AFF3: variants seen among roughly 807,000 people sequenced by gnomAD.
AFF3 encodes AF4/FMR2 family member 3.
Under a neutral mutation model 129.7 loss-of-function variants are expected in AFF3, and 32 were observed. That is an observed-to-expected ratio of 0.25 (90% CI 0.19 to 0.33). AFF3 has a LOEUF of 0.33. Among genes scored for constraint, AFF3 ranks in the 10% least tolerant of loss-of-function variants. The probability of loss-of-function intolerance (pLI) is 1.00; values close to 1 mark genes in which losing one functional copy is unlikely to be tolerated. For synonymous variants in AFF3, 644 were observed against 635.4 expected (o/e 1.01, Z -0.20); for missense variants, 1,373 against 1,592.0 (o/e 0.86, Z 2.34).
chr2:99,852,952 C>A (rs1470983832), intron 7 of AFF3, among the ~76,000 whole-genome samples: 1 of 152,066 alleles, frequency 6.6e-6, no homozygotes, highest in Non-Finnish European at 1.5e-5. Context: ...CTTGGAAGAA[C>A]CTATTTATAG....
Position 100,129,928 on chromosome 2 carries a change from G to T in AFF3, c.-227-622C>A, listed in dbSNP as rs909468181. Among the ~76,000 whole-genome samples the T allele has an allele frequency of 3.9e-5, 6 of 152,266 alleles. No homozygotes were observed. The East Asian group carries it at 1.2e-3, about 29-fold the overall frequency. ...GATTAATATTATTTTATAGTGGGAG[G>T]CACAGTTGGGATTTCAGTCCAGGTC... On this transcript the variant is annotated intron_variant, in intron 1 of 24. Coordinates refer to ENST00000672756, the MANE Select transcript of AFF3 (RefSeq NM_001386135.1).
At chr2:99,813,204 G>T (rs1686929650) in intron 8 of AFF3, among the ~76,000 whole-genome samples, 1 of 152,206 alleles carries the variant, frequency 6.6e-6, no homozygotes, top group South Asian at 2.1e-4. Flanking sequence ...TCGAGCAGGG[G>T]AGGCTGTGGA....
intron 7 of AFF3, among the ~76,000 whole-genome samples, chr2:99,885,113 G>A (rs532183464): frequency 6.6e-6 from 1 of 152,126 alleles, no homozygotes; most frequent in Admixed American, 6.5e-5. Context: ...ATAGTCCTCA[G>A]AGCCAAAAGC....
At chr2:99,946,736 C>T (rs1490009502) in intron 7 of AFF3, among the ~76,000 whole-genome samples, 1 of 152,106 alleles carries the variant, frequency 6.6e-6, no homozygotes, top group East Asian at 1.9e-4. Flanking sequence ...ATAAAATGGT[C>T]TGTTGGAGGA....
chr2:100,128,681 A>G (rs1405168891), intron 2 of AFF3, among the ~76,000 whole-genome samples: 2 of 152,208 alleles, frequency 1.3e-5, no homozygotes, highest in Non-Finnish European at 2.9e-5. Context: ...AGAAGGTGAA[A>G]TGGGACACAA....
chr2:99,763,092 T>C (rs778380564), intron 8 of AFF3, among the ~76,000 whole-genome samples: 9 of 152,236 alleles, frequency 5.9e-5, no homozygotes, highest in Non-Finnish European at 1.2e-4. Context: ...CACCAGGCAG[T>C]AGCCCTGGAG....
chr2:99,850,405 C>A (rs1220488104), intron 7 of AFF3, among the ~76,000 whole-genome samples: 1 of 152,178 alleles, frequency 6.6e-6, no homozygotes, highest in Admixed American at 6.5e-5. Context: ...ATGGACCACA[C>A]TGGATGCCTC....
At chr2:99,894,652 T>G (rs1284487379) in intron 7 of AFF3, among the ~76,000 whole-genome samples, 1 of 151,800 alleles carries the variant, frequency 6.6e-6, no homozygotes, top group Non-Finnish European at 1.5e-5. Context: ...TTTTTTTGTA[T>G]TTTTAGTAAA....
At chr2:99,887,533 G>A (rs1693205921) in intron 7 of AFF3, among the ~76,000 whole-genome samples, 1 of 152,216 alleles carries the variant, frequency 6.6e-6, no homozygotes, top group Non-Finnish European at 1.5e-5. Flanking sequence ...TACTAGGAAT[G>A]TAGTTATCAC....
chr2:99,680,219 A>G (rs1674396625), intron 11 of AFF3, among the ~76,000 whole-genome samples: 1 of 152,220 alleles, frequency 6.6e-6, no homozygotes, highest in Non-Finnish European at 1.5e-5. Flanking sequence ...GATATACTCT[A>G]TCATTTCTAT....
rs1317274375 is a variant in AFF3 at position 99,556,630 on chromosome 2, A to G, written c.3286-1898T>C. On this transcript the variant is annotated intron_variant, in intron 22 of 24. Transcript: ENST00000672756. Reference sequence around the variant, plus strand: ...TTTCTGAACTCAAAGTAGCATTTAAATAGCCCTTGAGGCTGGGTGTATGGC... The same window carrying G: ...TTTCTGAACTCAAAGTAGCATTTAAGTAGCCCTTGAGGCTGGGTGTATGGC... Among the ~76,000 whole-genome samples, 6 of 152,212 alleles carry G rather than the reference A, an allele frequency of 3.9e-5. No homozygotes were observed. In the South Asian group the frequency reaches 1.0e-3, roughly 26 times the overall value.
chr2:99,986,187 C>A (rs926296846), intron 7 of AFF3, among the ~76,000 whole-genome samples: 4 of 145,474 alleles, frequency 2.7e-5, no homozygotes, highest in South Asian at 2.2e-4. Context: ...GGCGACAGAG[C>A]GAGACTTCAT....
intron 13 of AFF3, among the ~76,000 whole-genome samples, chr2:99,606,068 TA>T (rs966821751): frequency 6.6e-6 from 1 of 152,074 alleles, no homozygotes; most frequent in Admixed American, 6.6e-5. Flanking sequence ...AAAGATGCTT[TA>T]AAAAAATTAA....
At position 99,676,937 on chromosome 2, in the gene AFF3, G is replaced by A. The variant is rs142701715; in HGVS notation, c.1092-4348C>T. ...ACGAGGAGCCAAGGGGGTGTTGCCA[G>A]ATGACAATGGGGAAGTTGAAATAAA... On this transcript the variant is annotated intron_variant, in intron 11 of 24. Transcript: ENST00000672756. Among the ~76,000 whole-genome samples, 129 of 152,290 alleles carry A rather than the reference G, an allele frequency of 8.5e-4. 1 individual carries two copies. The highest frequency in any genetic ancestry group is 3.0e-3 in the African/African-American group (123 of 41,582).
chr2:99,685,170 A>T (rs1674931433), intron 11 of AFF3, among the ~76,000 whole-genome samples: 1 of 151,586 alleles, frequency 6.6e-6, no homozygotes, highest in Non-Finnish European at 1.5e-5. Context: ...CAAACTACTG[A>T]CCTCAAGTGA....
intron 7 of AFF3, among the ~76,000 whole-genome samples, chr2:99,881,126 C>T (rs550358663): frequency 6.6e-6 from 1 of 152,250 alleles, no homozygotes; most frequent in African/African-American, 2.4e-5. Context: ...GTACTCTATA[C>T]TTCATGGAAG....
intron 4 of AFF3, among the ~76,000 whole-genome samples, chr2:100,048,290 T>C (rs1686003158): frequency 1.3e-5 from 2 of 152,242 alleles, no homozygotes; most frequent in Non-Finnish European, 2.9e-5. Flanking sequence ...TGGGACTTGT[T>C]AATGCCATTT....
chr2:99,774,580 C>CA (rs1341236885), intron 8 of AFF3, among the ~76,000 whole-genome samples: 4 of 151,942 alleles, frequency 2.6e-5, no homozygotes, highest in South Asian at 2.1e-4. Context: ...ACACCATATA[C>CA]AAAAAATCAA....
intron 14 of AFF3, among the ~76,000 whole-genome samples, chr2:99,594,683 T>C (rs138657781): frequency 3.9e-5 from 6 of 152,270 alleles, no homozygotes; most frequent in African/African-American, 1.2e-4. Context: ...TGAGCATAAA[T>C]CACTTGTTTT....
Sources: allele counts gnomAD v4.1 joint callset (sites outside exome capture counted in the v4.1 genomes callset), GRCh38; gene constraint gnomAD v4.1.1; transcripts MANE v1.5; gene names NCBI Gene and HGNC (gene_info 2026-07-23, HGNC 2026-07-21).